CD1B: variants seen among roughly 807,000 people sequenced by gnomAD.
CD1B encodes T-cell surface glycoprotein CD1b.
Under a neutral mutation model 39.8 loss-of-function variants are expected in CD1B, and 43 were observed. The ratio of observed to expected loss-of-function variants is 1.08; its 90% CI spans 0.85 to 1.39. The LOEUF (loss-of-function observed/expected upper bound fraction) is 1.39. CD1B is among the 40% of genes most tolerant of loss of function. The pLI is 0.00. For missense variants in CD1B, 495 were observed against 403.8 expected (o/e 1.23, Z -1.94); for synonymous variants, 192 against 152.5 (o/e 1.26, Z -1.91).
At chr1:158,316,641 C>A in the CD1B span, among the ~76,000 whole-genome samples, 2 of 150,756 alleles carry the variant, frequency 1.3e-5, 1 homozygote, top group African/African-American at 4.9e-5. Flanking sequence ...TAATTGAATA[C>A]CCTTTATTTC....
chr1:158,303,751 C>T, the CD1B span, among the ~76,000 whole-genome samples: 106 of 152,112 alleles, frequency 7.0e-4, no homozygotes, highest in Non-Finnish European at 1.3e-3. Context: ...AATTATAAAG[C>T]ACTGCTAAAA....
intron 1 of CD1B, 126 bp downstream of exon 1, chr1:158,331,237 G>A: frequency 9.1e-7 from 1 of 1,095,930 alleles, no homozygotes; most frequent in Non-Finnish European, 1.4e-6. Context: ...CACCAGAATG[G>A]TTGAAGAGGG....
chr1:158,320,257 C>G, the CD1B span, among the ~76,000 whole-genome samples: 1 of 152,198 alleles, frequency 6.6e-6, no homozygotes, highest in Non-Finnish European at 1.5e-5. Context: ...CTGCCTCAGC[C>G]TCACTGCCGC....
chr1:158,331,338 T>C, intron 1 of CD1B, 25 bp downstream of exon 1: 2 of 1,599,098 alleles, frequency 1.3e-6, no homozygotes, highest in Admixed American at 3.3e-5. Context: ...GCACCAGTGC[T>C]GGGAGCTGCC....
the CD1B span, among the ~76,000 whole-genome samples, chr1:158,285,783 A>G: frequency 1.3e-5 from 2 of 152,092 alleles, no homozygotes; most frequent in Non-Finnish European, 2.9e-5. Flanking sequence ...TGCAGAGGGC[A>G]GAGGGTGGAG....
the CD1B span, among the ~76,000 whole-genome samples, chr1:158,294,092 C>G: frequency 2.0e-5 from 3 of 152,200 alleles, no homozygotes; most frequent in African/African-American, 7.2e-5. Flanking sequence ...CCTTGATACA[C>G]TTATTTTCTA....
chr1:158,303,859 A>G, the CD1B span, among the ~76,000 whole-genome samples: 867 of 152,314 alleles, frequency 5.7e-3, 11 homozygotes, highest in African/African-American at 0.02. Context: ...AGCAATTCAG[A>G]GACTCAGTGC....
the CD1B span, among the ~76,000 whole-genome samples, chr1:158,303,406 A>G: frequency 6.6e-6 from 1 of 152,216 alleles, no homozygotes; most frequent in African/African-American, 2.4e-5. Flanking sequence ...CTGCTATTCA[A>G]CATAATACTG....
the CD1B span, chr1:158,292,628 A>G: frequency 1.2e-6 from 2 of 1,613,040 alleles, no homozygotes; most frequent in Non-Finnish European, 1.7e-6. Context: ...CAGTCGCCCC[A>G]GCCTTGGGTC....
At chr1:158,302,529 A>G in the CD1B span, among the ~76,000 whole-genome samples, 12 of 152,094 alleles carry the variant, frequency 7.9e-5, no homozygotes, top group Non-Finnish European at 1.5e-4. Flanking sequence ...AAATTGGTAG[A>G]CCACAGACTA....
the CD1B span, among the ~76,000 whole-genome samples, chr1:158,310,489 T>C: frequency 6.6e-6 from 1 of 152,116 alleles, no homozygotes; most frequent in Non-Finnish European, 1.5e-5. Context: ...ACTAAAGAGT[T>C]TCTGCACAGC....
the CD1B span, among the ~76,000 whole-genome samples, chr1:158,303,933 T>C: frequency 1.3e-5 from 2 of 152,098 alleles, no homozygotes; most frequent in Non-Finnish European, 2.9e-5. Flanking sequence ...CTAAAATTCA[T>C]ACAGAATCAA....
the CD1B span, chr1:158,291,094 T>C: frequency 3.2e-6 from 5 of 1,566,584 alleles, no homozygotes; most frequent in African/African-American, 2.8e-5. Flanking sequence ...CTCTCTTTTT[T>C]TTTTTTTCCT....
the CD1B span, among the ~76,000 whole-genome samples, chr1:158,316,807 C>A: frequency 1.3e-5 from 2 of 151,762 alleles, no homozygotes; most frequent in East Asian, 1.9e-4. Context: ...TCATAGATAG[C>A]TCTTATTATT....
chr1:158,300,215 C>G, the CD1B span, among the ~76,000 whole-genome samples: 9 of 152,166 alleles, frequency 5.9e-5, no homozygotes, highest in Non-Finnish European at 8.8e-5. Context: ...CCTAGAGCAT[C>G]TTTATTTCTG....
the CD1B span, among the ~76,000 whole-genome samples, chr1:158,310,271 G>A: frequency 6.6e-6 from 1 of 152,154 alleles, no homozygotes; most frequent in Non-Finnish European, 1.5e-5. Flanking sequence ...GCCATATGCA[G>A]AATATTGAAA....
chr1:158,309,781 T>C, the CD1B span, among the ~76,000 whole-genome samples: 1 of 127,496 alleles, frequency 7.8e-6, no homozygotes, highest in African/African-American at 3.1e-5. Flanking sequence ...AATTGAACAA[T>C]GAGAACACAT....
chr1:158,292,641 G>A, the CD1B span: 4 of 1,613,288 alleles, frequency 2.5e-6, no homozygotes, highest in African/African-American at 1.3e-5. Flanking sequence ...CTTGGGTCTG[G>A]CCAGCTGTTG....
the CD1B span, among the ~76,000 whole-genome samples, chr1:158,321,096 T>A: frequency 2.0e-5 from 3 of 152,208 alleles, no homozygotes; most frequent in Non-Finnish European, 4.4e-5. Flanking sequence ...TCACTGAAGA[T>A]AAGATGTTCA....
Sources: gnomAD v4.1 joint callset for allele counts (sites outside exome capture counted in the v4.1 genomes callset) on GRCh38, gnomAD v4.1.1 for gene constraint, MANE v1.5 for transcripts, NCBI Gene and HGNC (gene_info 2026-07-23, HGNC 2026-07-21) for gene names.